ATRNL1: variants seen among roughly 807,000 people sequenced by gnomAD.
The protein encoded by ATRNL1 is attractin like 1.
A neutral mutation model predicts 182.7 loss-of-function variants in ATRNL1; 95 were observed. The ratio of observed to expected loss-of-function variants is 0.52; its 90% CI spans 0.44 to 0.62. ATRNL1 has a LOEUF of 0.62. Among genes scored for constraint, ATRNL1 ranks in the 20% least tolerant of loss-of-function variants. The pLI, the probability that ATRNL1 is intolerant of heterozygous loss-of-function variation, is 0.00. For synonymous variants in ATRNL1, 576 were observed against 568.3 expected (o/e 1.01, Z -0.19); for missense variants, 1,471 against 1,679.5 (o/e 0.88, Z 2.17).
At chr10:115,097,898 T>C (rs2085055686) in intron 1 of ATRNL1, among the ~76,000 whole-genome samples, 1 of 152,208 alleles carries the variant, frequency 6.6e-6, no homozygotes, top group South Asian at 2.1e-4. Context: ...CACTCCAGCC[T>C]GGGCAACAGA....
intron 26 of ATRNL1, among the ~76,000 whole-genome samples, chr10:115,561,258 G>A (rs1853688474): frequency 6.6e-6 from 1 of 152,124 alleles, no homozygotes; most frequent in Non-Finnish European, 1.5e-5. Context: ...TAAGATATTT[G>A]TATCTACATA....
At chr10:115,446,075 C>T (rs1846969864) in intron 21 of ATRNL1, among the ~76,000 whole-genome samples, 1 of 151,946 alleles carries the variant, frequency 6.6e-6, no homozygotes, top group Non-Finnish European at 1.5e-5. Flanking sequence ...TATATTTATA[C>T]AAGATACTTC....
chr10:115,867,269 T>C (rs1951460720), intron 28 of ATRNL1, among the ~76,000 whole-genome samples: 1 of 152,242 alleles, frequency 6.6e-6, no homozygotes, highest in African/African-American at 2.4e-5. Flanking sequence ...TGGATTTCTT[T>C]TTTTAGAGCA....
intron 19 of ATRNL1, among the ~76,000 whole-genome samples, chr10:115,371,769 A>G (rs1554948118): frequency 6.6e-6 from 1 of 152,150 alleles, no homozygotes; most frequent in Non-Finnish European, 1.5e-5. Context: ...TTGGGAAGAC[A>G]TGATTGGTTT....
chr10:115,727,970 A>G (rs1157390656), intron 27 of ATRNL1, among the ~76,000 whole-genome samples: 1 of 151,928 alleles, frequency 6.6e-6, no homozygotes, highest in African/African-American at 2.4e-5. Flanking sequence ...TCTGAAAATA[A>G]TAATCCCTAA....
intron 25 of ATRNL1, among the ~76,000 whole-genome samples, chr10:115,539,535 A>G (rs549039211): frequency 2.0e-5 from 3 of 152,300 alleles, no homozygotes; most frequent in Non-Finnish European, 4.4e-5. Context: ...AGTCAATGCA[A>G]TTTGAAACTT....
intron 17 of ATRNL1, among the ~76,000 whole-genome samples, chr10:115,311,440 T>A (rs146556462): frequency 0.012 from 1,781 of 152,132 alleles, 31 homozygotes; most frequent in African/African-American, 0.039. Flanking sequence ...ACCCACCTTG[T>A]CCTCCCAAAG....
chr10:115,663,572 A>C (rs1052537400), intron 26 of ATRNL1, among the ~76,000 whole-genome samples: 1 of 151,992 alleles, frequency 6.6e-6, no homozygotes, highest in African/African-American at 2.4e-5. Flanking sequence ...ATATCATCCA[A>C]ATTGTATGAT....
chr10:115,477,697 C>A (rs1295464495), intron 24 of ATRNL1, among the ~76,000 whole-genome samples: 1 of 151,498 alleles, frequency 6.6e-6, no homozygotes, highest in African/African-American at 2.4e-5. Flanking sequence ...CAAAAGTCAA[C>A]AAATACTCGT....
chr10:115,171,108 T>G lies in ATRNL1; in HGVS notation c.1164T>G (p.Phe388Leu), dbSNP rs782567165. ...ATGTCACAGATGAATTATGGGTTTT[T>G]AACATACATAGTCAGTCATGGAGTA... ...DGNVTDELWVFNIHSQSWSTK... is the reference protein window; with the variant it reads ...DGNVTDELWVLNIHSQSWSTK... The change falls in exon 8 of 29, where the codon TTT becomes TTG. Residue 388 changes from phenylalanine (F) to leucine (L), a missense_variant. Coordinates refer to ENST00000355044, the MANE Select transcript of ATRNL1 (RefSeq NM_207303.4). 11 of 1,600,948 alleles carry G rather than the reference T, an allele frequency of 6.9e-6. No homozygotes were observed. Among genetic ancestry groups the G allele is most frequent in the Non-Finnish European group, 8.5e-6 (10 of 1,172,088 alleles).
chr10:115,214,009 AGTT>A (rs1416551769), intron 8 of ATRNL1, among the ~76,000 whole-genome samples: 1 of 150,664 alleles, frequency 6.6e-6, no homozygotes, highest in Non-Finnish European at 1.5e-5. Flanking sequence ...GTGAAACAGT[AGTT>A]GCAACATAGT....
chr10:115,445,254 C>A (rs1216129151), intron 21 of ATRNL1, among the ~76,000 whole-genome samples: 2 of 150,114 alleles, frequency 1.3e-5, no homozygotes. Flanking sequence ...CATGGCAAAA[C>A]CCCATCTCTA....
intron 27 of ATRNL1, among the ~76,000 whole-genome samples, chr10:115,807,343 T>G (rs749383899): frequency 5.3e-5 from 8 of 152,268 alleles, no homozygotes; most frequent in Non-Finnish European, 1.0e-4. Context: ...CTCAAACTCC[T>G]GGCCTCAAGC....
intron 26 of ATRNL1, among the ~76,000 whole-genome samples, chr10:115,676,010 C>T (rs561210185): frequency 1.4e-4 from 22 of 151,872 alleles, no homozygotes; most frequent in Non-Finnish European, 2.9e-4. Flanking sequence ...TAAATAACAC[C>T]GGGCAAAATT....
intron 28 of ATRNL1, among the ~76,000 whole-genome samples, chr10:115,937,680 G>T (rs1452674890): frequency 6.6e-6 from 1 of 152,158 alleles, no homozygotes; most frequent in Non-Finnish European, 1.5e-5. Flanking sequence ...CCAAGACTTT[G>T]ATCAGTAGTA....
intron 27 of ATRNL1, among the ~76,000 whole-genome samples, chr10:115,730,998 T>A (rs1320554931): frequency 1.3e-5 from 2 of 152,054 alleles, no homozygotes; most frequent in Non-Finnish European, 2.9e-5. Flanking sequence ...TCTTTTCGTG[T>A]TTTTTTCTGC....
At chr10:115,460,431 T>G (rs1016679164) in intron 21 of ATRNL1, among the ~76,000 whole-genome samples, 4 of 152,104 alleles carry the variant, frequency 2.6e-5, no homozygotes, top group Admixed American at 2.6e-4. Flanking sequence ...AAAATAAAAC[T>G]TTGCCTTTCT....
chr10:115,330,444 A>G (rs185128712), intron 18 of ATRNL1, among the ~76,000 whole-genome samples: 1 of 151,922 alleles, frequency 6.6e-6, no homozygotes, highest in East Asian at 1.9e-4. Flanking sequence ...CAACTCCTGA[A>G]AGTATTTTTT....
intron 5 of ATRNL1, among the ~76,000 whole-genome samples, chr10:115,150,658 AT>A (rs1181192330): frequency 6.6e-6 from 1 of 151,818 alleles, no homozygotes; most frequent in Non-Finnish European, 1.5e-5. Context: ...TCCTCTTTTC[AT>A]TGATTTCTAG....
Sources: allele counts gnomAD v4.1 joint callset (sites outside exome capture counted in the v4.1 genomes callset), GRCh38; gene constraint gnomAD v4.1.1; transcripts MANE v1.5; gene names NCBI Gene and HGNC (gene_info 2026-07-23, HGNC 2026-07-21).